The following UTP6 variants were observed in gnomAD, a reference collection of about 807,000 sequenced individuals.
The protein encoded by UTP6 is U3 small nucleolar RNA-associated protein 6 homolog.
A neutral mutation model predicts 96.5 loss-of-function variants in UTP6; 60 were observed. The observed-to-expected ratio is 0.62, with a 90% CI of 0.51 to 0.77. UTP6 has a LOEUF of 0.77. UTP6 is among the 30% of genes least tolerant of loss of function. The pLI is 0.00. For missense variants in UTP6, 637 were observed against 706.5 expected (o/e 0.90, Z 1.12); for synonymous variants, 215 against 240.1 (o/e 0.90, Z 0.96).
chr17:31,872,858 G>C (rs574690089), intron 16 of UTP6, among the ~76,000 whole-genome samples: 2 of 148,172 alleles, frequency 1.3e-5, no homozygotes, highest in Admixed American at 1.3e-4. Flanking sequence ...TTAGCCGGGC[G>C]TGGTGTCACA....
At chr17:31,883,006 A>G (rs1376368654) in intron 10 of UTP6, among the ~76,000 whole-genome samples, 1 of 152,052 alleles carries the variant, frequency 6.6e-6, no homozygotes, top group Non-Finnish European at 1.5e-5. Flanking sequence ...GAAGCTTACA[A>G]ATAATTGTTA....
chr17:31,899,133 C>CA (rs1364391226), intron 2 of UTP6, among the ~76,000 whole-genome samples: 1 of 152,150 alleles, frequency 6.6e-6, no homozygotes, highest in East Asian at 1.9e-4. Flanking sequence ...CCTGTCTCTA[C>CA]AAAAAACACA....
At chr17:31,866,887 CAAAAAAAAAAAAAA>C (rs56235737) in intron 17 of UTP6, among the ~76,000 whole-genome samples, 2 of 43,568 alleles carry the variant, frequency 4.6e-5, no homozygotes, top group African/African-American at 2.3e-4. Flanking sequence ...ACTCTTGTCT[CAAAAAAAAAAAAAA>C]AAAAAAAAAA....
intron 14 of UTP6, 64 bp downstream of exon 14, chr17:31,875,170 G>A: frequency 2.5e-6 from 4 of 1,577,682 alleles, no homozygotes; most frequent in South Asian, 1.1e-5. Context: ...CATTCCAAAT[G>A]AGCCTTGGCT....
intron 18 of UTP6, 93 bp downstream of exon 18, chr17:31,865,273 A>G: frequency 7.3e-7 from 1 of 1,372,332 alleles, no homozygotes; most frequent in Non-Finnish European, 1.0e-6. Context: ...TTGGCCTCCC[A>G]AAGTGCTGGG....
At chr17:31,893,006 A>C (rs1221321513) in intron 4 of UTP6, among the ~76,000 whole-genome samples, 5 of 151,990 alleles carry the variant, frequency 3.3e-5, no homozygotes, top group African/African-American at 1.2e-4. Context: ...AACCCCACCT[A>C]ACCTAAAATT....
At chr17:31,865,473 G>T in intron 17 of UTP6, 35 bp from the exon 18 acceptor site, 1 of 1,589,616 alleles carries the variant, frequency 6.3e-7, no homozygotes, top group South Asian at 1.1e-5. Flanking sequence ...TCAAAAGCCT[G>T]ATTTATAACA....
intron 18 of UTP6, 110 bp downstream of exon 18, chr17:31,865,256 G>C (rs1310572204): frequency 1.9e-5 from 20 of 1,079,228 alleles, no homozygotes; most frequent in Admixed American, 8.4e-5. Flanking sequence ...CAGGTGATCC[G>C]CCTGCCTTGG....
intron 6 of UTP6, 87 bp from the exon 7 acceptor site, chr17:31,889,490 G>C: frequency 3.9e-5 from 33 of 844,568 alleles, no homozygotes; most frequent in Middle Eastern, 7.7e-4. Flanking sequence ...TTTAATACTC[G>C]CACAATTTTT....
Position 31,894,692 on chromosome 17 carries a change from C to A in UTP6, c.265G>T (p.Val89Leu), listed in dbSNP as rs771277196. ...TGGAAAACACCTTGTACCCGGTGTA[C>A]AATAGAATTCTCAATCTCATCCTTC... Reference protein sequence around the residue: ...FKKDEIENSIVHRVQGVFQRA... With the variant: ...FKKDEIENSILHRVQGVFQRA... The change falls in exon 4 of 19, where the codon GTA becomes TTA. Residue 89 changes from valine to leucine, a missense_variant. Val to Leu is a conservative substitution (Grantham distance 32). Coordinates refer to ENST00000261708, the MANE Select transcript of UTP6 (RefSeq NM_018428.3). 4.3e-6 allele frequency: 7 copies of A among 1,611,606 alleles called. No individual in the cohort carries two copies. In the South Asian group the frequency reaches 7.7e-5, roughly 18 times the overall value.
At chr17:31,877,479 G>A (rs757539923) in intron 13 of UTP6, among the ~76,000 whole-genome samples, 6 of 152,076 alleles carry the variant, frequency 3.9e-5, no homozygotes, top group Non-Finnish European at 8.8e-5. Flanking sequence ...TGTTTCTTCC[G>A]ACAGAAGATG....
chr17:31,869,880 C>T (rs963185910), intron 16 of UTP6, among the ~76,000 whole-genome samples: 7 of 152,126 alleles, frequency 4.6e-5, no homozygotes, highest in South Asian at 2.1e-4. Flanking sequence ...TTTATATCCA[C>T]GTGTACCCAA....
chr17:31,895,056 A>G, intron 2 of UTP6, 45 bp from the exon 3 acceptor site: 1 of 1,396,664 alleles, frequency 7.2e-7, no homozygotes, highest in Non-Finnish European at 9.7e-7. Flanking sequence ...TAGAAAATCT[A>G]AAACCTTTTA....
chr17:31,887,296 C>A lies in UTP6; in HGVS notation c.561G>T (p.Leu187=). The A allele has an allele frequency of 6.2e-7, 1 of 1,614,028 alleles. No individual in the cohort carries two copies. Among genetic ancestry groups the A allele is most frequent in the African/African-American group, 1.3e-5 (1 of 75,040 alleles). The change falls in exon 8 of 19, where the codon CTG becomes CTT. Residue 187 remains leucine, a synonymous_variant. Transcript: ENST00000261708. ...KLYKEYFRME[L]MHAEKLRKEK... ...CCTTCCTCAGTTTTTCAGCATGCAT[C>A]AGCTCCATCCTAAAGTACTACAGAA...
chr17:31,892,127 A>G, intron 6 of UTP6, 133 bp downstream of exon 6: 1 of 902,780 alleles, frequency 1.1e-6, no homozygotes, highest in Admixed American at 2.4e-5. Context: ...ATTCAGTAAG[A>G]AAAACTGCTG....
intron 17 of UTP6, 127 bp downstream of exon 17, chr17:31,867,919 T>C: frequency 1.3e-6 from 1 of 789,232 alleles, no homozygotes; most frequent in Non-Finnish European, 1.9e-6. Flanking sequence ...ATCACGCCAC[T>C]GCACTCCAGC....
chr17:31,895,144 T>G, intron 2 of UTP6, 133 bp from the exon 3 acceptor site: 1 of 665,664 alleles, frequency 1.5e-6, no homozygotes, highest in South Asian at 2.0e-5. Flanking sequence ...TCACATAATT[T>G]ACAATAAATG....
At chr17:31,866,286 CA>C (rs869110895) in intron 17 of UTP6, among the ~76,000 whole-genome samples, 3,971 of 58,080 alleles carry the variant, frequency 0.068, 70 homozygotes, top group Admixed American at 0.097. Flanking sequence ...GACTCTGTCT[CA>C]AAAAAAAAAA....
chr17:31,871,376 GT>G (rs1724857019), intron 16 of UTP6, among the ~76,000 whole-genome samples: 1 of 151,996 alleles, frequency 6.6e-6, no homozygotes, highest in South Asian at 2.1e-4. Context: ...TCTTGTCTCA[GT>G]CTCCCAAAAT....
Sources: allele counts gnomAD v4.1 joint callset (sites outside exome capture counted in the v4.1 genomes callset), GRCh38; gene constraint gnomAD v4.1.1; transcripts MANE v1.5; gene names NCBI Gene and HGNC (gene_info 2026-07-23, HGNC 2026-07-21).